Variants in MDGA2 observed in about 807,000 individuals in gnomAD.
MDGA2 encodes MAM domain containing glycosylphosphatidylinositol anchor 2.
Under a neutral mutation model 117.8 loss-of-function variants are expected in MDGA2, and 40 were observed. That is an observed-to-expected ratio of 0.34 (90% CI 0.26 to 0.44). MDGA2 has a LOEUF of 0.44. MDGA2 is among the 20% of genes least tolerant of loss of function. MDGA2 has a pLI of 1.00. For synonymous variants in MDGA2, 452 were observed against 439.0 expected (o/e 1.03, Z -0.37); for missense variants, 1,123 against 1,250.6 (o/e 0.90, Z 1.54).
chr14:46,865,359 CTCAA>C (rs1238539504), intron 14 of MDGA2, among the ~76,000 whole-genome samples: 1 of 152,108 alleles, frequency 6.6e-6, no homozygotes, highest in Non-Finnish European at 1.5e-5. Flanking sequence ...GCTAAAAACT[CTCAA>C]TCAATTAGGT....
chr14:47,483,086 T>A (rs1197228638), intron 1 of MDGA2, among the ~76,000 whole-genome samples: 1 of 152,108 alleles, frequency 6.6e-6, no homozygotes, highest in African/African-American at 2.4e-5. Context: ...AAGTAATCTT[T>A]TTTAAAAAAA....
chr14:47,357,999 G>A (rs1231374210), intron 1 of MDGA2, among the ~76,000 whole-genome samples: 1 of 151,996 alleles, frequency 6.6e-6, no homozygotes, highest in African/African-American at 2.4e-5. Flanking sequence ...GGTACACACT[G>A]TGGAAAAAGT....
chr14:47,369,795 C>G (rs894025519), intron 1 of MDGA2, among the ~76,000 whole-genome samples: 2 of 151,774 alleles, frequency 1.3e-5, no homozygotes, highest in Admixed American at 1.3e-4. Flanking sequence ...TATTTTTCAT[C>G]ATGATTTGTG....
chr14:46,880,241 C>A (rs1452221755), intron 11 of MDGA2, among the ~76,000 whole-genome samples: 1 of 152,038 alleles, frequency 6.6e-6, no homozygotes, highest in African/African-American at 2.4e-5. Context: ...AGGAGATTCA[C>A]TTGAACTCAA....
intron 1 of MDGA2, among the ~76,000 whole-genome samples, chr14:47,351,516 T>G (rs1156676319): frequency 6.6e-6 from 1 of 152,190 alleles, no homozygotes; most frequent in Non-Finnish European, 1.5e-5. Flanking sequence ...TCTTTAAGAT[T>G]ATAACTATTC....
intron 1 of MDGA2, among the ~76,000 whole-genome samples, chr14:47,327,477 C>T (rs1890177589): frequency 6.6e-6 from 1 of 152,152 alleles, no homozygotes; most frequent in South Asian, 2.1e-4. Context: ...GCTTCCATTT[C>T]CCACTGCCTT....
intron 1 of MDGA2, among the ~76,000 whole-genome samples, chr14:47,311,689 A>ATT (rs143123195): frequency 7.9e-5 from 12 of 152,076 alleles, no homozygotes; most frequent in Admixed American, 2.0e-4. Context: ...AATTCATGTT[A>ATT]TTTTTTGATG....
chr14:46,967,540 A>G (rs984972609), intron 8 of MDGA2, among the ~76,000 whole-genome samples: 2 of 152,194 alleles, frequency 1.3e-5, no homozygotes, highest in Non-Finnish European at 2.9e-5. Flanking sequence ...CTCTCTCTCC[A>G]TGAACACATA....
At chr14:47,312,770 T>A (rs72683839) in intron 1 of MDGA2, among the ~76,000 whole-genome samples, 13,178 of 145,632 alleles carry the variant, frequency 0.09, 754 homozygotes, top group Non-Finnish European at 0.11. Flanking sequence ...CCTCATATGA[T>A]CCTCCCACCT....
chr14:47,389,768 A>C (rs1013968350), intron 1 of MDGA2, among the ~76,000 whole-genome samples: 2 of 152,180 alleles, frequency 1.3e-5, no homozygotes, highest in Non-Finnish European at 2.9e-5. Flanking sequence ...GAGAGCTGTG[A>C]ATAAAACCTG....
intron 1 of MDGA2, among the ~76,000 whole-genome samples, chr14:47,500,936 G>A (rs1894386496): frequency 6.6e-6 from 1 of 152,022 alleles, no homozygotes; most frequent in African/African-American, 2.4e-5. Context: ...TGAAACCCCA[G>A]TGAAATAATA....
chr14:47,613,824 T>C (rs1466838870), intron 1 of MDGA2, among the ~76,000 whole-genome samples: 1 of 152,106 alleles, frequency 6.6e-6, no homozygotes, highest in East Asian at 1.9e-4. Flanking sequence ...TATTAAAAAT[T>C]TTACCTATAC....
intron 8 of MDGA2, among the ~76,000 whole-genome samples, chr14:47,014,123 G>GA (rs1888000242): frequency 6.6e-6 from 1 of 152,014 alleles, no homozygotes; most frequent in South Asian, 2.1e-4. Flanking sequence ...CAGAGTTATT[G>GA]AGTGACCAGG....
At chr14:47,336,773 G>A (rs972887107) in intron 1 of MDGA2, among the ~76,000 whole-genome samples, 3 of 151,882 alleles carry the variant, frequency 2.0e-5, no homozygotes, top group Admixed American at 2.0e-4. Context: ...GTGCTCAAAA[G>A]AAGTAGTTAA....
intron 6 of MDGA2, among the ~76,000 whole-genome samples, chr14:47,068,317 TAAG>T (rs1890155362): frequency 1.3e-5 from 2 of 151,582 alleles, no homozygotes; most frequent in Non-Finnish European, 2.9e-5. Flanking sequence ...AAATTCTTCT[TAAG>T]AAGGGGGAAA....
chr14:47,389,459 C>G (rs1420898108), intron 1 of MDGA2, among the ~76,000 whole-genome samples: 1 of 152,098 alleles, frequency 6.6e-6, no homozygotes, highest in Admixed American at 6.5e-5. Context: ...ATGTAGAATA[C>G]TTATTTTTAA....
chr14:47,234,269 G>A (rs1020388318), intron 2 of MDGA2, among the ~76,000 whole-genome samples: 1 of 150,740 alleles, frequency 6.6e-6, no homozygotes, highest in African/African-American at 2.4e-5. Flanking sequence ...ATGCATATAT[G>A]TAGATATATG....
At chr14:47,517,829 T>C (rs1185558244) in intron 1 of MDGA2, among the ~76,000 whole-genome samples, 1 of 152,206 alleles carries the variant, frequency 6.6e-6, no homozygotes, top group Non-Finnish European at 1.5e-5. Context: ...TTTATGAAAC[T>C]GTTTTTTCAA....
intron 15 of MDGA2, among the ~76,000 whole-genome samples, chr14:46,853,908 A>G (rs924564716): frequency 6.6e-6 from 1 of 151,840 alleles, no homozygotes; most frequent in Non-Finnish European, 1.5e-5. Context: ...ATATGTTGTC[A>G]TTCATTTTCA....
Sources: gnomAD v4.1 joint callset for allele counts (sites outside exome capture counted in the v4.1 genomes callset) on GRCh38, gnomAD v4.1.1 for gene constraint, MANE v1.5 for transcripts, NCBI Gene and HGNC (gene_info 2026-07-23, HGNC 2026-07-21) for gene names.